The following STRN variants were observed in gnomAD, a reference collection of about 807,000 sequenced individuals.
STRN encodes striatin, also known as protein phosphatase 2 regulatory subunit B'''alpha.
A neutral mutation model predicts 96.3 loss-of-function variants in STRN; 53 were observed. That is an observed-to-expected ratio of 0.55 (90% CI 0.44 to 0.69). STRN has a LOEUF of 0.69. STRN is among the 30% of genes least tolerant of loss of function. The pLI is 0.00. For synonymous variants in STRN, 428 were observed against 355.9 expected, an observed-to-expected ratio of 1.20 and a Z score of -2.28; for missense variants, 987 against 963.9, an observed-to-expected ratio of 1.02 and a Z score of -0.32.
chr2:36,890,565 C>A (rs569678145), intron 7 of STRN, among the ~76,000 whole-genome samples: 9 of 147,744 alleles, frequency 6.1e-5, no homozygotes, highest in African/African-American at 2.3e-4. Flanking sequence ...CTCACTGCAA[C>A]CTCTGCCTCC....
rs927663780 is a variant in STRN at position 36,853,074 on chromosome 2, T to C, written c.1979-1967A>G. On this transcript the variant is annotated intron_variant, in intron 15 of 17. Transcript: ENST00000263918. The stretch of plus-strand genomic sequence containing the variant: ...TGGGAGGCTGAGGCAGGAGAATCGC[T>C]TGAGCCCAGGAGGTGGAGGTTGCAG... 3.3e-5 allele frequency among the ~76,000 whole-genome samples: 5 copies of C among 152,226 alleles called. No homozygotes were observed. The East Asian group carries it at 5.8e-4, about 18-fold the overall frequency.
intron 9 of STRN, among the ~76,000 whole-genome samples, 199 bp from the exon 10 acceptor site, chr2:36,878,226 A>G (rs1668968348): frequency 1.3e-5 from 2 of 152,244 alleles, no homozygotes; most frequent in African/African-American, 4.8e-5. Context: ...AGGTAAAGGC[A>G]TCAACTAATT....
intron 13 of STRN, among the ~76,000 whole-genome samples, chr2:36,859,311 C>A (rs1668421557): frequency 6.6e-6 from 1 of 151,964 alleles, no homozygotes; most frequent in Admixed American, 6.6e-5. Flanking sequence ...GTGACAAAGA[C>A]CTAAGGCCAG....
chr2:36,839,755 G>T lies in STRN; in HGVS notation c.*9701C>A, dbSNP rs1038710934. On this transcript the variant is annotated 3_prime_UTR_variant, in exon 18 of 18. Transcript: ENST00000263918. ...GTAATTTTAATGACAGTTCTTACAT[G>T]GTATATGTTTAATGTTGAGATTATT... 1.3e-5 allele frequency among the ~76,000 whole-genome samples: 2 copies of T among 151,896 alleles called. No homozygotes were observed.
At chr2:36,904,315 T>A (rs1669762481) in intron 4 of STRN, among the ~76,000 whole-genome samples, 1 of 152,170 alleles carries the variant, frequency 6.6e-6, no homozygotes, top group Non-Finnish European at 1.5e-5. Flanking sequence ...CTGCTATACA[T>A]CCACTTTGGA....
At chr2:36,881,664 G>A (rs1669074011) in intron 9 of STRN, among the ~76,000 whole-genome samples, 1 of 152,168 alleles carries the variant, frequency 6.6e-6, no homozygotes, top group Non-Finnish European at 1.5e-5. Context: ...CAATGCTTGA[G>A]TTTTAAAGTT....
At chr2:36,891,307 A>G (rs948881316) in intron 7 of STRN, among the ~76,000 whole-genome samples, 3 of 152,176 alleles carry the variant, frequency 2.0e-5, no homozygotes, top group Non-Finnish European at 4.4e-5. Context: ...CAGGCAGATC[A>G]TTTGAGGCCA....
chr2:36,877,834 C>A, intron 10 of STRN, 57 bp downstream of exon 10: 1 of 1,601,156 alleles, frequency 6.2e-7, no homozygotes. Context: ...CGCACCCAGC[C>A]CAAGTTTTTG....
intron 6 of STRN, among the ~76,000 whole-genome samples, chr2:36,898,754 A>C (rs1669607371): frequency 1.3e-5 from 2 of 152,204 alleles, no homozygotes; most frequent in African/African-American, 4.8e-5. Context: ...ATATTACTTT[A>C]CTTTCCTCCT....
chr2:36,910,899 C>G (rs1198406869), intron 3 of STRN, among the ~76,000 whole-genome samples: 3 of 151,790 alleles, frequency 2.0e-5, no homozygotes. Context: ...ATAATACTCT[C>G]CTACAGTAGA....
At chr2:36,876,303 T>C (rs1225027720) in intron 10 of STRN, among the ~76,000 whole-genome samples, 3 of 151,778 alleles carry the variant, frequency 2.0e-5, no homozygotes, top group Non-Finnish European at 4.4e-5. Flanking sequence ...TTTGTAAATC[T>C]GTATCATATT....
At chr2:36,925,067 A>C in intron 2 of STRN, 38 bp downstream of exon 2, 1 of 1,575,436 alleles carries the variant, frequency 6.3e-7, no homozygotes, top group Non-Finnish European at 8.7e-7. Flanking sequence ...AAAACAAATA[A>C]ACAAAAAAGA....
intron 3 of STRN, among the ~76,000 whole-genome samples, chr2:36,909,787 C>T (rs1436342959): frequency 6.6e-6 from 1 of 152,130 alleles, no homozygotes; most frequent in Non-Finnish European, 1.5e-5. Flanking sequence ...ATCTTAAAAG[C>T]AGCCAGAGAA....
intron 15 of STRN, among the ~76,000 whole-genome samples, chr2:36,852,417 G>A (rs1668242698): frequency 6.6e-6 from 1 of 152,162 alleles, no homozygotes; most frequent in Non-Finnish European, 1.5e-5. Context: ...TTGTGTCAAT[G>A]TTAAGTTTCC....
intron 1 of STRN, among the ~76,000 whole-genome samples, chr2:36,945,338 A>G (rs1670952643): frequency 6.6e-6 from 1 of 152,176 alleles, no homozygotes; most frequent in Non-Finnish European, 1.5e-5. Flanking sequence ...CTGAGTTCAA[A>G]ATAACATTAT....
Position 36,843,076 on chromosome 2 carries a change from C to T in STRN, c.*6380G>A, listed in dbSNP as rs1667987703. On this transcript the variant is annotated 3_prime_UTR_variant, in exon 18 of 18. Coordinates refer to ENST00000263918, the MANE Select transcript of STRN (RefSeq NM_003162.4). The stretch of plus-strand genomic sequence containing the variant: ...TGAATAATTTTTGGAGTTTTAATGA[C>T]CTCCTGAGATAGATCTCCAAAATTA... Among the ~76,000 whole-genome samples the T allele has an allele frequency of 6.6e-6, 1 of 152,086 alleles. No homozygotes were observed. Among genetic ancestry groups the T allele is most frequent in the Non-Finnish European group, 1.5e-5 (1 of 68,024 alleles).
intron 13 of STRN, among the ~76,000 whole-genome samples, chr2:36,859,762 C>T (rs184572452): frequency 2.6e-5 from 4 of 152,194 alleles, no homozygotes; most frequent in East Asian, 1.9e-4. Flanking sequence ...GGTCAAAAAG[C>T]CAATAGAATG....
At chr2:36,894,069 T>C (rs1669476546) in intron 6 of STRN, 36 bp from the exon 7 acceptor site, 7 of 1,593,450 alleles carry the variant, frequency 4.4e-6, no homozygotes, top group African/African-American at 2.7e-5. Context: ...ATAAAGGAGA[T>C]AGTTTCCCTT....
rs116096481 is a variant in STRN, at chr2:36,922,458, G to A, written c.338+2647C>T. The stretch of plus-strand genomic sequence containing the variant: ...CACTTGTGCCCAGAAGGCTGACACC[G>A]CAGTGAATCATGACTGTGCCACTGC... On this transcript the variant is annotated intron_variant, in intron 2 of 17. Coordinates refer to ENST00000263918, the MANE Select transcript of STRN (RefSeq NM_003162.4). Among the ~76,000 whole-genome samples the A allele has an allele frequency of 6.1e-3, 907 of 147,584 alleles. 9 individuals are homozygous for A. The highest frequency in any genetic ancestry group is 0.02 in the African/African-American group (808 of 39,666).
Sources: gnomAD v4.1 joint callset for allele counts (sites outside exome capture counted in the v4.1 genomes callset) on GRCh38, gnomAD v4.1.1 for gene constraint, MANE v1.5 for transcripts, NCBI Gene and HGNC (gene_info 2026-07-23, HGNC 2026-07-21) for gene names.